Variants in WDPCP observed in about 807,000 individuals in gnomAD.
WDPCP encodes the protein WD repeat-containing and planar cell polarity effector protein fritz homolog.
A neutral mutation model predicts 93.1 loss-of-function variants in WDPCP; 71 were observed. The ratio of observed to expected loss-of-function variants is 0.76; its 90% CI spans 0.63 to 0.93. The LOEUF (loss-of-function observed/expected upper bound fraction) is 0.93. Among genes scored for constraint, WDPCP ranks in the 40% least tolerant of loss-of-function variants. The probability of loss-of-function intolerance (pLI) is 0.00; values close to 1 mark genes in which losing one functional copy is unlikely to be tolerated. For synonymous variants in WDPCP, 315 were observed against 315.0 expected, an observed-to-expected ratio of 1.00 and a Z score of 0.00; for missense variants, 844 against 887.4, an observed-to-expected ratio of 0.95 and a Z score of 0.62.
At chr2:63,622,875 T>G in intron 3 of WDPCP, 1 of 1,530,824 alleles carries the variant, frequency 6.5e-7, no homozygotes, top group Non-Finnish European at 8.9e-7. Flanking sequence ...GCATCAGGGG[T>G]GCGGAGCCTG....
chr2:63,722,378 G>A (rs1286615746), intron 2 of WDPCP, among the ~76,000 whole-genome samples: 129 of 140,188 alleles, frequency 9.2e-4, no homozygotes, highest in Middle Eastern at 7.6e-3. Flanking sequence ...CCTCTGCCCC[G>A]CCGCCCCGTC....
chr2:63,449,962 T>C (rs900766142), intron 6 of WDPCP, among the ~76,000 whole-genome samples: 1 of 152,158 alleles, frequency 6.6e-6, no homozygotes. Context: ...TCCAGTACTT[T>C]AGCCTACAGA....
At chr2:63,773,482 G>T (rs913126079) in intron 2 of WDPCP, among the ~76,000 whole-genome samples, 11 of 152,042 alleles carry the variant, frequency 7.2e-5, no homozygotes, top group Admixed American at 1.3e-4. Flanking sequence ...TTTCTGAGGT[G>T]CCAGTAGTGC....
intron 8 of WDPCP, among the ~76,000 whole-genome samples, chr2:63,434,183 T>C (rs182056265): frequency 3.5e-4 from 54 of 152,280 alleles, no homozygotes; most frequent in African/African-American, 2.4e-4. Context: ...TAGGAAGAAA[T>C]TGAATGTAGC....
chr2:63,815,824 G>C (rs1670924549), intron 1 of WDPCP, among the ~76,000 whole-genome samples: 1 of 152,026 alleles, frequency 6.6e-6, no homozygotes, highest in Non-Finnish European at 1.5e-5. Flanking sequence ...TACTAATAAA[G>C]TATCGTAACA....
intron 2 of WDPCP, among the ~76,000 whole-genome samples, chr2:63,808,035 A>G (rs2104068667): frequency 6.6e-6 from 1 of 152,324 alleles, no homozygotes; most frequent in Admixed American, 6.5e-5. Flanking sequence ...AAGAGTGACT[A>G]CATAAAATCT....
intron 1 of WDPCP, among the ~76,000 whole-genome samples, chr2:63,575,382 T>C (rs1575681710): frequency 7.8e-6 from 1 of 128,836 alleles, no homozygotes; most frequent in South Asian, 2.5e-4. Flanking sequence ...ATATACAGTA[T>C]ATACACGGTA....
chr2:63,749,317 AATACT>A lies in WDPCP; in HGVS notation n.308+64300_308+64304del, dbSNP rs1412800214. On this transcript the variant is annotated intron_variant and non_coding_transcript_variant, in intron 2 of 4. Transcript: ENST00000467687. ...TAGACTCAGAAAGAAAACTGGCTAA[AATACT>A]ACACTTCTCCAAGATCCCTTCCTCT... Among the ~76,000 whole-genome samples, 6 of 152,228 alleles carry A rather than the reference AATACT, an allele frequency of 3.9e-5. No homozygotes were observed. The East Asian group carries it at 1.2e-3, about 29-fold the overall frequency.
At position 63,128,717 on chromosome 2, in the gene WDPCP, G is replaced by A. The variant is rs142747231; in HGVS notation, c.2191-6661C>T. Among the ~76,000 whole-genome samples the A allele has an allele frequency of 1.8e-3, 279 of 152,280 alleles. 2 individuals are homozygous for A. The highest frequency in any genetic ancestry group is 6.3e-3 in the African/African-American group (261 of 41,556). ...GAATTTTGCTCTTGTTGCCCAGGCC[G>A]GAGTGCAGTGGCGCAATCTTGACTC... On this transcript the variant is annotated intron_variant, in intron 17 of 17. Coordinates refer to ENST00000272321, the MANE Select transcript of WDPCP (RefSeq NM_015910.7).
intron 6 of WDPCP, among the ~76,000 whole-genome samples, chr2:63,450,174 C>A (rs1166525717): frequency 6.6e-6 from 1 of 152,156 alleles, no homozygotes; most frequent in African/African-American, 2.4e-5. Context: ...TTTCCACACA[C>A]CACTGCAGGC....
intron 12 of WDPCP, among the ~76,000 whole-genome samples, chr2:63,363,621 T>C (rs1274806906): frequency 1.3e-5 from 2 of 152,068 alleles, no homozygotes; most frequent in Admixed American, 1.3e-4. Context: ...TTAAATTTAA[T>C]TTTACTTAAA....
chr2:63,343,064 G>C (rs967995172), intron 12 of WDPCP, among the ~76,000 whole-genome samples: 1 of 151,996 alleles, frequency 6.6e-6, no homozygotes, highest in Non-Finnish European at 1.5e-5. Flanking sequence ...GAGTGCAGTG[G>C]TGCCATCTCA....
chr2:63,766,626 A>G (rs1177872325), intron 2 of WDPCP, among the ~76,000 whole-genome samples: 1 of 152,174 alleles, frequency 6.6e-6, no homozygotes, highest in African/African-American at 2.4e-5. Flanking sequence ...AATAAAATGC[A>G]TATGTTTAAA....
chr2:63,674,558 G>T (rs1710381437), intron 2 of WDPCP, among the ~76,000 whole-genome samples: 1 of 152,108 alleles, frequency 6.6e-6, no homozygotes, highest in Admixed American at 6.5e-5. Context: ...GAGAAATGGG[G>T]AGTTGCTCTT....
chr2:63,473,615 G>A (rs935424584), intron 6 of WDPCP, among the ~76,000 whole-genome samples: 2 of 152,196 alleles, frequency 1.3e-5, no homozygotes, highest in Non-Finnish European at 2.9e-5. Flanking sequence ...GGTCTGTAAA[G>A]TCAGGTACCA....
chr2:63,773,003 T>C (rs193259434), intron 2 of WDPCP, among the ~76,000 whole-genome samples: 2 of 152,170 alleles, frequency 1.3e-5, no homozygotes, highest in African/African-American at 4.8e-5. Flanking sequence ...AAAACTGTTA[T>C]TACTCACAGA....
chr2:63,238,695 C>A (rs557250799), intron 14 of WDPCP, among the ~76,000 whole-genome samples: 4 of 152,150 alleles, frequency 2.6e-5, no homozygotes, highest in African/African-American at 7.2e-5. Context: ...TTTTTTAATC[C>A]TTCTAGTCCA....
intron 2 of WDPCP, among the ~76,000 whole-genome samples, chr2:63,654,113 G>C (rs1334138053): frequency 6.6e-6 from 1 of 151,992 alleles, no homozygotes; most frequent in African/African-American, 2.4e-5. Context: ...GAGATAAATG[G>C]AAGACACAGA....
chr2:63,423,156 T>C (rs1313181246), intron 9 of WDPCP, among the ~76,000 whole-genome samples: 1 of 152,250 alleles, frequency 6.6e-6, no homozygotes, highest in Admixed American at 6.5e-5. Context: ...GTTTCCTTTG[T>C]AATAGCTCAT....
Sources: allele counts gnomAD v4.1 joint callset (sites outside exome capture counted in the v4.1 genomes callset), GRCh38; gene constraint gnomAD v4.1.1; transcripts MANE v1.5; gene names NCBI Gene and HGNC (gene_info 2026-07-23, HGNC 2026-07-21).